SORCS1: variants seen among roughly 807,000 people sequenced by gnomAD.
The protein encoded by SORCS1 is sortilin related VPS10 domain containing receptor 1, also known as VPS10 domain-containing receptor SorCS1.
SORCS1 carries 60 observed loss-of-function variants against 146.1 expected under a neutral mutation model. The ratio of observed to expected loss-of-function variants is 0.41; its 90% CI spans 0.33 to 0.51. The LOEUF (loss-of-function observed/expected upper bound fraction) is 0.51. SORCS1 is among the 20% of genes least tolerant of loss of function. SORCS1 has a pLI of 0.21. For synonymous variants in SORCS1, 637 were observed against 584.0 expected, an observed-to-expected ratio of 1.09 and a Z score of -1.31; for missense variants, 1,352 against 1,487.6, an observed-to-expected ratio of 0.91 and a Z score of 1.50.
At chr10:106,815,020 C>T (rs1370571261) in intron 3 of SORCS1, among the ~76,000 whole-genome samples, 2 of 151,118 alleles carry the variant, frequency 1.3e-5, no homozygotes, top group Non-Finnish European at 3.0e-5. Flanking sequence ...AGTGCAGTGG[C>T]ATGACTTCGG....
At chr10:107,120,899 A>G (rs1966366467) in intron 1 of SORCS1, among the ~76,000 whole-genome samples, 1 of 152,218 alleles carries the variant, frequency 6.6e-6, no homozygotes. Flanking sequence ...AGTGAAAAAA[A>G]AGCAAGAAAA....
chr10:106,635,392 A>G (rs1848670108), intron 18 of SORCS1, among the ~76,000 whole-genome samples: 1 of 152,118 alleles, frequency 6.6e-6, no homozygotes, highest in African/African-American at 2.4e-5. Flanking sequence ...CACTAGTATA[A>G]CCCATTTTTA....
At chr10:107,092,110 T>C (rs1249830046) in intron 1 of SORCS1, among the ~76,000 whole-genome samples, 2 of 152,152 alleles carry the variant, frequency 1.3e-5, no homozygotes, top group African/African-American at 4.8e-5. Flanking sequence ...AAGCCAACTA[T>C]GAAAATGTGG....
intron 5 of SORCS1, 67 bp from the exon 6 acceptor site, chr10:106,730,181 T>C: frequency 6.9e-7 from 1 of 1,456,450 alleles, no homozygotes; most frequent in Non-Finnish European, 9.6e-7. Context: ...TTAGTGGAAC[T>C]CGGCAGAGCC....
At chr10:106,599,234 G>A (rs1368472212) in intron 23 of SORCS1, among the ~76,000 whole-genome samples, 2 of 152,002 alleles carry the variant, frequency 1.3e-5, no homozygotes, top group Non-Finnish European at 2.9e-5. Context: ...AGGCATGGTG[G>A]TGCACACCTG....
chr10:106,816,308 G>A (rs1162284729), intron 3 of SORCS1, among the ~76,000 whole-genome samples: 1 of 152,178 alleles, frequency 6.6e-6, no homozygotes, highest in Non-Finnish European at 1.5e-5. Flanking sequence ...AACTAGTTCT[G>A]GCTCCAAATG....
chr10:106,706,412 T>C, intron 8 of SORCS1, 133 bp downstream of exon 8: 2 of 829,386 alleles, frequency 2.4e-6, no homozygotes, highest in Admixed American at 2.3e-5. Flanking sequence ...CAGAGCAAAC[T>C]TGGGAAACAG....
chr10:106,890,746 C>A (rs1477891787), intron 2 of SORCS1, among the ~76,000 whole-genome samples: 1 of 152,094 alleles, frequency 6.6e-6, no homozygotes, highest in Non-Finnish European at 1.5e-5. Context: ...CCTGTTTGTA[C>A]CTCTATGAAC....
intron 3 of SORCS1, among the ~76,000 whole-genome samples, chr10:106,792,015 G>T (rs1444178542): frequency 2.0e-5 from 3 of 151,668 alleles, no homozygotes; most frequent in Admixed American, 2.0e-4. Flanking sequence ...TAAAATTCTG[G>T]GTATGTCTCT....
At chr10:107,176,185 T>C in the SORCS1 span, among the ~76,000 whole-genome samples, 2 of 152,092 alleles carry the variant, frequency 1.3e-5, no homozygotes, top group Non-Finnish European at 2.9e-5. Flanking sequence ...ATTCATGAGT[T>C]ATTAAAAAGT....
intron 6 of SORCS1, among the ~76,000 whole-genome samples, chr10:106,716,293 T>A (rs821947): frequency 1.3e-5 from 2 of 152,006 alleles, no homozygotes; most frequent in Non-Finnish European, 1.5e-5. Flanking sequence ...CTGTTGGAGC[T>A]ATCTTCTAGG....
chr10:107,023,866 G>T (rs1489826069), intron 1 of SORCS1, among the ~76,000 whole-genome samples: 1 of 152,022 alleles, frequency 6.6e-6, no homozygotes, highest in Non-Finnish European at 1.5e-5. Flanking sequence ...TAGTTTATTT[G>T]TGTTGCTCTA....
intron 2 of SORCS1, among the ~76,000 whole-genome samples, chr10:106,862,673 C>T (rs112840230): frequency 0.018 from 2,607 of 148,040 alleles, 89 homozygotes; most frequent in East Asian, 0.14. Context: ...TGGCTGGGCG[C>T]GGTGGCTCGC....
At chr10:106,768,641 A>C (rs1859757297) in intron 4 of SORCS1, among the ~76,000 whole-genome samples, 2 of 152,212 alleles carry the variant, frequency 1.3e-5, no homozygotes, top group Admixed American at 6.5e-5. Flanking sequence ...TTCTGCTTCC[A>C]TGGGACCTTT....
intron 1 of SORCS1, among the ~76,000 whole-genome samples, chr10:106,998,571 T>A (rs1316888739): frequency 6.6e-6 from 1 of 152,238 alleles, no homozygotes; most frequent in Non-Finnish European, 1.5e-5. Context: ...GGAACAAAAA[T>A]AAGCTGTATT....
intron 3 of SORCS1, among the ~76,000 whole-genome samples, chr10:106,797,852 T>C (rs922855404): frequency 6.6e-6 from 1 of 152,148 alleles, no homozygotes; most frequent in Non-Finnish European, 1.5e-5. Flanking sequence ...ATGTAAAAAG[T>C]AAAAATAACC....
chr10:106,788,686 C>T (rs563620489), intron 3 of SORCS1, among the ~76,000 whole-genome samples: 1 of 152,304 alleles, frequency 6.6e-6, no homozygotes, highest in East Asian at 1.9e-4. Flanking sequence ...GCAGCTCTCC[C>T]CCTGTGGCTT....
chr10:106,781,593 C>G (rs1175224855), intron 3 of SORCS1, among the ~76,000 whole-genome samples: 1 of 152,194 alleles, frequency 6.6e-6, no homozygotes, highest in African/African-American at 2.4e-5. Flanking sequence ...AAATATTTCT[C>G]TCTATAAACA....
intron 3 of SORCS1, among the ~76,000 whole-genome samples, chr10:106,812,053 T>A (rs1947486873): frequency 6.6e-6 from 1 of 152,152 alleles, no homozygotes; most frequent in African/African-American, 2.4e-5. Flanking sequence ...CAGGCTGGAG[T>A]GCAGTGGCCC....
Sources: gnomAD v4.1 joint callset for allele counts (sites outside exome capture counted in the v4.1 genomes callset) on GRCh38, gnomAD v4.1.1 for gene constraint, MANE v1.5 for transcripts, NCBI Gene and HGNC (gene_info 2026-07-23, HGNC 2026-07-21) for gene names.